Variants in ACP3 observed in about 807,000 individuals in gnomAD.
ACP3 encodes the protein acid phosphatase 3.
In ACP3, 38 loss-of-function variants were observed where a neutral mutation model predicts 45.6. That is an observed-to-expected ratio of 0.83 (90% CI 0.64 to 1.09). The LOEUF (loss-of-function observed/expected upper bound fraction) is 1.09, where lower values mean the gene tolerates loss of function less well. ACP3 is among the 50% of genes least tolerant of loss of function. The pLI is 0.00. For synonymous variants in ACP3, 162 were observed against 164.7 expected, an observed-to-expected ratio of 0.98 and a Z score of 0.13; for missense variants, 466 against 463.2, an observed-to-expected ratio of 1.01 and a Z score of -0.05.
At chr3:132,359,282 G>A (rs1053457470), downstream of ACP3, among the ~76,000 whole-genome samples, 1 of 152,158 alleles carries the variant, frequency 6.6e-6, no homozygotes, top group Non-Finnish European at 1.5e-5. Context: ...GGAGGCCAAG[G>A]TGGGCGGATC....
intron 1 of ACP3, among the ~76,000 whole-genome samples, chr3:132,323,779 G>T (rs1379471101): frequency 6.6e-6 from 1 of 152,200 alleles, no homozygotes; most frequent in Non-Finnish European, 1.5e-5. Context: ...GTAAGATCTT[G>T]TGAGCCCTTG....
At chr3:132,367,917 C>T in exon 11 of ACP3, 2 of 911,130 alleles carry the variant, frequency 2.2e-6, no homozygotes, top group Non-Finnish European at 3.5e-6. Context: ...GTGGGCATTG[C>T]CATCCTCACA....
intron 7 of ACP3, among the ~76,000 whole-genome samples, chr3:132,349,461 A>G (rs1357071757): frequency 6.6e-6 from 1 of 152,170 alleles, no homozygotes; most frequent in Non-Finnish European, 1.5e-5. Context: ...TAGAAGCAAG[A>G]GGGGTGAAAA....
rs150403414 is a variant in ACP3 at position 132,317,481 on chromosome 3, G to A, written c.25G>A (p.Ala9Thr). ...CATGAGAGCTGCACCCCTCCTCCTG[G>A]CCAGGGCAGCAAGCCTTAGCCTTGG... MRAAPLLL[A>T]RAASLSLGFL... Residue 9 changes from alanine to threonine, a missense_variant, in exon 1 of 10, where the codon GCC becomes ACC. Coordinates refer to ENST00000336375, the MANE Select transcript of ACP3 (RefSeq NM_001099.5). The A allele has an allele frequency of 1.2e-6, 2 of 1,613,146 alleles. No individual in the cohort carries two copies. The highest frequency in any genetic ancestry group is 2.7e-5 in the African/African-American group (2 of 74,884).
chr3:132,340,498 G>A (rs1937542168), intron 5 of ACP3, among the ~76,000 whole-genome samples: 1 of 151,966 alleles, frequency 6.6e-6, no homozygotes. Context: ...CCCACTCCTA[G>A]GTTATAAAGG....
chr3:132,329,812 G>C (rs1937366498), intron 2 of ACP3, among the ~76,000 whole-genome samples: 1 of 151,848 alleles, frequency 6.6e-6, no homozygotes, highest in South Asian at 2.1e-4. Flanking sequence ...CTGCGATTCT[G>C]CATGTCTAAC....
At chr3:132,354,163 C>T (rs1334771762) in intron 9 of ACP3, among the ~76,000 whole-genome samples, 1 of 152,166 alleles carries the variant, frequency 6.6e-6, no homozygotes, top group Non-Finnish European at 1.5e-5. Flanking sequence ...AGAAGGCCAG[C>T]TCTGGGCACA....
At chr3:132,354,286 T>C (rs1307921633) in intron 9 of ACP3, among the ~76,000 whole-genome samples, 1 of 151,806 alleles carries the variant, frequency 6.6e-6, no homozygotes, top group African/African-American at 2.4e-5. Context: ...GTTCTCTGGT[T>C]TCTGGACCCC....
In ACP3 at chr3:132,367,753, A is replaced by G. The variant is rs935037925; in HGVS notation, c.1188A>G (p.Leu396=). The stretch of plus-strand genomic sequence containing the variant: ...CCTTTTGCCTGATATCTGCTGTCCT[A>G]ATGGTACTACTGTTTATCCACATTC... Residue 396 remains leucine, a synonymous_variant, in exon 11 of 11, where the codon CTA becomes CTG. Coordinates refer to the ACP3 transcript ENST00000351273. 1.9e-6 allele frequency: 3 copies of G among 1,613,850 alleles called. No individual in the cohort carries two copies. The Admixed American group carries it at 5.0e-5, about 27-fold the overall frequency.
intron 10 of ACP3, among the ~76,000 whole-genome samples, chr3:132,366,938 G>A (rs890674537): frequency 1.3e-5 from 2 of 152,240 alleles, no homozygotes; most frequent in Admixed American, 6.5e-5. Context: ...CTAGGGTTCT[G>A]TAGAAAGAGC....
In ACP3 at chr3:132,352,784, A is replaced by G. The variant is rs533532381; in HGVS notation, c.929A>G (p.Tyr310Cys). ...LDVYNGLLPP[Y>C]ASCHLTELYF... ...GTTTACAACGGACTCCTTCCTCCCT[A>G]TGCTTCTTGCCACTTGACGGAATTG... Residue 310 changes from tyrosine (Y) to cysteine (C), a missense_variant, in exon 9 of 10, where the codon TAT (tyrosine) becomes TGT (cysteine). Physicochemically the swap from Tyr to Cys is radical, Grantham distance 194. Coordinates refer to ENST00000336375, the MANE Select transcript of ACP3 (RefSeq NM_001099.5). 6.8e-6 allele frequency: 11 copies of G among 1,613,664 alleles called. No individual in the cohort carries two copies. In the African/African-American group the frequency reaches 8.0e-5, roughly 12 times the overall value.
chr3:132,335,904 A>G (rs760222553), intron 4 of ACP3, among the ~76,000 whole-genome samples: 13 of 152,220 alleles, frequency 8.5e-5, no homozygotes, highest in South Asian at 2.1e-4. Flanking sequence ...TGGAAAGCCA[A>G]TGAAGGTCAT....
At chr3:132,340,512 T>C (rs1473499270) in intron 5 of ACP3, among the ~76,000 whole-genome samples, 2 of 152,166 alleles carry the variant, frequency 1.3e-5, no homozygotes, top group African/African-American at 2.4e-5. Flanking sequence ...ATAAAGGAAG[T>C]CTGCAATGCT....
chr3:132,329,850 G>T (rs1350116530), intron 2 of ACP3, among the ~76,000 whole-genome samples: 1 of 151,656 alleles, frequency 6.6e-6, no homozygotes, highest in East Asian at 1.9e-4. Flanking sequence ...AATGGCACTG[G>T]TACATGGACC....
At chr3:132,338,587 G>T (rs1937520498) in intron 5 of ACP3, among the ~76,000 whole-genome samples, 2 of 152,118 alleles carry the variant, frequency 1.3e-5, no homozygotes, top group South Asian at 4.1e-4. Flanking sequence ...CTCCAAAGAG[G>T]TTTTACTACT....
At chr3:132,345,624 C>A (rs905258171) in intron 7 of ACP3, among the ~76,000 whole-genome samples, 1 of 152,132 alleles carries the variant, frequency 6.6e-6, no homozygotes. Flanking sequence ...TTGCAATTGA[C>A]AAGTTTATAA....
chr3:132,337,849 C>A (rs968106258), intron 5 of ACP3, among the ~76,000 whole-genome samples: 4 of 152,072 alleles, frequency 2.6e-5, no homozygotes, highest in African/African-American at 9.7e-5. Context: ...AAATATAAGT[C>A]TAAAATCACC....
intron 9 of ACP3, 47 bp from the exon 10 acceptor site, chr3:132,356,639 A>C: frequency 6.2e-7 from 1 of 1,609,562 alleles, no homozygotes; most frequent in Non-Finnish European, 8.5e-7. Context: ...GTGGCAGTTC[A>C]ACAACACAGA....
At chr3:132,333,049 A>T (rs1425853614) in intron 4 of ACP3, among the ~76,000 whole-genome samples, 1 of 152,156 alleles carries the variant, frequency 6.6e-6, no homozygotes, top group African/African-American at 2.4e-5. Flanking sequence ...TATTAGGATC[A>T]CGTGGTTTTT....
Sources: allele counts gnomAD v4.1 joint callset (sites outside exome capture counted in the v4.1 genomes callset), GRCh38; gene constraint gnomAD v4.1.1; transcripts MANE v1.5; gene names NCBI Gene and HGNC (gene_info 2026-07-23, HGNC 2026-07-21).